PCDHAC1: variants seen among roughly 807,000 people sequenced by gnomAD.
The protein encoded by PCDHAC1 is protocadherin alpha subfamily C, 1.
PCDHAC1 carries 42 observed loss-of-function variants against 60.0 expected under a neutral mutation model. That is an observed-to-expected ratio of 0.70 (90% CI 0.55 to 0.90). PCDHAC1 has a LOEUF of 0.90. PCDHAC1 is among the 40% of genes least tolerant of loss of function. PCDHAC1 has a pLI of 0.00. For missense variants in PCDHAC1, 1,160 were observed against 1,222.3 expected (o/e 0.95, Z 0.76); for synonymous variants, 468 against 499.3 (o/e 0.94, Z 0.84).
chr5:140,961,856 C>T (rs781908407), intron 1 of PCDHAC1, among the ~76,000 whole-genome samples: 1 of 151,570 alleles, frequency 6.6e-6, no homozygotes, highest in Non-Finnish European at 1.5e-5. Flanking sequence ...GATCATTTAT[C>T]TGGCCACAGA....
intron 1 of PCDHAC1, among the ~76,000 whole-genome samples, chr5:140,976,765 C>T (rs1483381591): frequency 6.6e-6 from 1 of 152,172 alleles, no homozygotes; most frequent in Non-Finnish European, 1.5e-5. Context: ...CAGAAGCCTG[C>T]TAGACTCTGA....
chr5:140,965,435 T>C (rs1327952223), intron 1 of PCDHAC1, among the ~76,000 whole-genome samples: 1 of 151,992 alleles, frequency 6.6e-6, no homozygotes, highest in Non-Finnish European at 1.5e-5. Context: ...CTGCAGTCAT[T>C]GAAATTGCTG....
At chr5:140,991,409 T>C (rs1554252146) in intron 3 of PCDHAC1, among the ~76,000 whole-genome samples, 2 of 152,232 alleles carry the variant, frequency 1.3e-5, no homozygotes, top group Non-Finnish European at 1.5e-5. Flanking sequence ...TTTCCCATTA[T>C]GCTATAACAA....
intron 1 of PCDHAC1, among the ~76,000 whole-genome samples, chr5:140,934,664 T>G (rs1268113575): frequency 1.3e-5 from 2 of 152,176 alleles, no homozygotes; most frequent in Admixed American, 6.5e-5. Flanking sequence ...TCTTCCCCTT[T>G]GTTTAGCAGT....
chr5:140,995,047 C>G (rs1174630120), intron 3 of PCDHAC1, among the ~76,000 whole-genome samples: 2 of 152,158 alleles, frequency 1.3e-5, no homozygotes, highest in Admixed American at 1.3e-4. Context: ...CTTAACTCTA[C>G]TGAATTTTCA....
At chr5:140,934,574 A>G in intron 1 of PCDHAC1, among the ~76,000 whole-genome samples, 1 of 152,124 alleles carries the variant, frequency 6.6e-6, no homozygotes, top group Non-Finnish European at 1.5e-5. Flanking sequence ...AATTAATTGT[A>G]ACATTTCTGT....
intron 3 of PCDHAC1, among the ~76,000 whole-genome samples, chr5:141,008,308 TA>T (rs1554261716): frequency 6.6e-6 from 1 of 152,214 alleles, no homozygotes; most frequent in East Asian, 1.9e-4. Flanking sequence ...CCCTAAACTG[TA>T]ATTGAACATA....
chr5:140,928,914 A>C lies in PCDHAC1; in HGVS notation c.2022A>C (p.Gly674=). 2 of 1,614,136 alleles carry C rather than the reference A, an allele frequency of 1.2e-6. No individual in the cohort carries two copies. The highest frequency in any genetic ancestry group is 1.7e-6 in the Non-Finnish European group (2 of 1,180,030). ...ACTTTGAAGATGTCTGGGAACCAGGAGGGCAGCTTTCTGCCCAGAACTTGT... is the reference window on the plus strand; with the variant it reads ...ACTTTGAAGATGTCTGGGAACCAGGCGGGCAGCTTTCTGCCCAGAACTTGT... The part of the protein sequence containing the change: ...LPDFEDVWEP[G]GQLSAQNLYL... Residue 674 remains glycine, a synonymous_variant, in exon 1 of 4, where the codon GGA becomes GGC. Coordinates refer to ENST00000253807, the MANE Select transcript of PCDHAC1 (RefSeq NM_018898.5).
At chr5:140,948,764 G>A (rs962710607) in intron 1 of PCDHAC1, among the ~76,000 whole-genome samples, 11 of 150,728 alleles carry the variant, frequency 7.3e-5, no homozygotes, top group East Asian at 3.9e-4. Context: ...GATTTTTTTC[G>A]AATAGCCAGC....
chr5:140,943,657 C>T (rs531235288), intron 1 of PCDHAC1, among the ~76,000 whole-genome samples: 51 of 151,756 alleles, frequency 3.4e-4, no homozygotes, highest in African/African-American at 1.2e-3. Flanking sequence ...CATCTATGAA[C>T]AATGTATAAA....
chr5:141,000,392 T>TATAA (rs2097913276), intron 3 of PCDHAC1, among the ~76,000 whole-genome samples: 1 of 62,986 alleles, frequency 1.6e-5, no homozygotes, highest in African/African-American at 7.3e-5. Context: ...TCTCTCTCTC[T>TATAA]CTCTATATAT....
intron 2 of PCDHAC1, among the ~76,000 whole-genome samples, chr5:140,980,956 C>T (rs2096912703): frequency 6.6e-6 from 1 of 152,110 alleles, no homozygotes; most frequent in Non-Finnish European, 1.5e-5. Flanking sequence ...AGGATAGTTA[C>T]ACCTTCATGA....
intron 1 of PCDHAC1, among the ~76,000 whole-genome samples, chr5:140,933,313 C>T (rs977318847): frequency 3.9e-5 from 6 of 151,916 alleles, no homozygotes; most frequent in African/African-American, 1.4e-4. Context: ...TATGCAATCT[C>T]GTATTCTCCT....
At chr5:140,929,410 C>G (rs2086136493) in intron 1 of PCDHAC1, 85 bp downstream of exon 1, 1 of 1,505,808 alleles carries the variant, frequency 6.6e-7, no homozygotes, top group Non-Finnish European at 8.9e-7. Context: ...ACAAGCCTTT[C>G]ACAACATTTC....
chr5:140,942,429 A>C (rs543442477), intron 1 of PCDHAC1, among the ~76,000 whole-genome samples: 1 of 152,226 alleles, frequency 6.6e-6, no homozygotes, highest in Admixed American at 6.5e-5. Context: ...AAAGATATCT[A>C]ACAATAAACA....
intron 2 of PCDHAC1, among the ~76,000 whole-genome samples, chr5:140,982,082 C>G (rs188673632): frequency 6.6e-6 from 1 of 152,276 alleles, no homozygotes; most frequent in Admixed American, 6.5e-5. Flanking sequence ...AGTAGAGAAC[C>G]TAGGAACAAG....
At chr5:140,973,325 A>G (rs180770098) in intron 1 of PCDHAC1, among the ~76,000 whole-genome samples, 71 of 152,216 alleles carry the variant, frequency 4.7e-4, no homozygotes, top group African/African-American at 1.7e-3. Context: ...CAGAGTTTAC[A>G]CTCGTTGTAA....
At chr5:140,942,863 T>A (rs1223265899) in intron 1 of PCDHAC1, among the ~76,000 whole-genome samples, 2 of 152,126 alleles carry the variant, frequency 1.3e-5, no homozygotes, top group Non-Finnish European at 2.9e-5. Context: ...TTATTTTGCT[T>A]TAGCATGACA....
intron 3 of PCDHAC1, among the ~76,000 whole-genome samples, chr5:140,992,876 A>G (rs1370116402): frequency 6.6e-6 from 1 of 152,178 alleles, no homozygotes; most frequent in Admixed American, 6.5e-5. Flanking sequence ...CCTCCTTGAT[A>G]TTCTAAACAA....
Sources: allele counts gnomAD v4.1 joint callset (sites outside exome capture counted in the v4.1 genomes callset), GRCh38; gene constraint gnomAD v4.1.1; transcripts MANE v1.5; gene names NCBI Gene and HGNC (gene_info 2026-07-23, HGNC 2026-07-21).